HCN1: variants seen among roughly 807,000 people sequenced by gnomAD.
The protein encoded by HCN1 is potassium/sodium hyperpolarization-activated cyclic nucleotide-gated channel 1.
In HCN1, 13 loss-of-function variants were observed where a neutral mutation model predicts 78.9. That is an observed-to-expected ratio of 0.16 (90% confidence interval 0.11 to 0.26). The LOEUF is 0.26. HCN1 is among the 10% of genes least tolerant of loss of function. The pLI is 1.00. For synonymous variants in HCN1, 552 were observed against 455.5 expected, an observed-to-expected ratio of 1.21 and a Z score of -2.70; for missense variants, 810 against 1,154.3, an observed-to-expected ratio of 0.70 and a Z score of 4.32.
At chr5:45,493,373 T>C (rs895924176) in intron 2 of HCN1, among the ~76,000 whole-genome samples, 3 of 152,038 alleles carry the variant, frequency 2.0e-5, no homozygotes, top group Non-Finnish European at 2.9e-5. Flanking sequence ...GAGTTAAATA[T>C]AATTTTCTAA....
chr5:45,555,108 T>A (rs1579966202), intron 2 of HCN1, among the ~76,000 whole-genome samples: 1 of 151,950 alleles, frequency 6.6e-6, no homozygotes, highest in East Asian at 1.9e-4. Context: ...GTCAAATTAT[T>A]CTTATTTGTA....
At chr5:45,285,616 A>C (rs981782) in intron 6 of HCN1, among the ~76,000 whole-genome samples, 52,266 of 151,870 alleles carry the variant, frequency 0.34, 11,283 homozygotes, top group Non-Finnish European at 0.46. Context: ...GTCCCTGAGA[A>C]AAATTTCAAG....
chr5:45,498,491 C>A (rs1017653397), intron 2 of HCN1, among the ~76,000 whole-genome samples: 5 of 152,130 alleles, frequency 3.3e-5, no homozygotes, highest in South Asian at 2.1e-4. Context: ...ATTCTTCTAA[C>A]TTTTTTCAAA....
At chr5:45,330,830 T>A (rs1198725888) in intron 5 of HCN1, among the ~76,000 whole-genome samples, 1 of 151,156 alleles carries the variant, frequency 6.6e-6, no homozygotes, top group East Asian at 1.9e-4. Flanking sequence ...TTACCTCAAA[T>A]AATGTATATA....
At chr5:45,530,720 T>A (rs66990509) in intron 2 of HCN1, among the ~76,000 whole-genome samples, 37,376 of 151,938 alleles carry the variant, frequency 0.25, 4,710 homozygotes, top group East Asian at 0.32. Flanking sequence ...TTCCAAAAAG[T>A]GAATAAACTA....
intron 2 of HCN1, among the ~76,000 whole-genome samples, chr5:45,587,190 CA>C (rs1223527648): frequency 6.6e-6 from 1 of 152,168 alleles, no homozygotes; most frequent in Non-Finnish European, 1.5e-5. Flanking sequence ...CCAGCCATCC[CA>C]TTACTGGGTA....
chr5:45,425,461 C>T (rs1740325798), intron 3 of HCN1, among the ~76,000 whole-genome samples: 1 of 152,108 alleles, frequency 6.6e-6, no homozygotes, highest in East Asian at 1.9e-4. Context: ...TCAAATAATA[C>T]TTTCAAGTAG....
At chr5:45,370,653 CAT>C (rs1455627103) in intron 4 of HCN1, among the ~76,000 whole-genome samples, 3 of 151,892 alleles carry the variant, frequency 2.0e-5, no homozygotes, top group African/African-American at 7.2e-5. Flanking sequence ...TATAATTTAT[CAT>C]ATATGTGTGT....
intron 2 of HCN1, among the ~76,000 whole-genome samples, chr5:45,621,728 C>A (rs1745065880): frequency 6.6e-6 from 1 of 151,872 alleles, no homozygotes; most frequent in African/African-American, 2.4e-5. Context: ...AAATACAAAC[C>A]TTTCACCCAA....
At chr5:45,324,829 GA>G (rs1264173641) in intron 5 of HCN1, among the ~76,000 whole-genome samples, 5 of 151,332 alleles carry the variant, frequency 3.3e-5, no homozygotes, top group East Asian at 1.9e-4. Context: ...CGAAATTTGT[GA>G]AAAAAAATTT....
In HCN1 at chr5:45,378,873, T is replaced by G. The variant is rs1020825412; in HGVS notation, c.1230+17619A>C. Among the ~76,000 whole-genome samples the G allele has an allele frequency of 2.6e-5, 4 of 152,204 alleles. No homozygotes were observed. The East Asian group carries it at 7.7e-4, about 29-fold the overall frequency. On this transcript the variant is annotated intron_variant, in intron 4 of 7. Transcript: ENST00000303230. ...CACCTATCAGTGAGAACATGCGGTG[T>G]TTGTTTTTTTGTCCTTGCTATAGTT...
chr5:45,354,206 C>T (rs1285759624), intron 4 of HCN1, among the ~76,000 whole-genome samples: 6 of 151,840 alleles, frequency 4.0e-5, no homozygotes, highest in African/African-American at 7.3e-5. Context: ...ATCTTAAAAA[C>T]GTCTCCAGAT....
At chr5:45,280,010 T>G (rs1423421516) in intron 6 of HCN1, among the ~76,000 whole-genome samples, 1 of 152,148 alleles carries the variant, frequency 6.6e-6, no homozygotes, top group Non-Finnish European at 1.5e-5. Flanking sequence ...AAAAATAAGC[T>G]TTGAAACATG....
chr5:45,422,920 A>C (rs1451138558), intron 3 of HCN1, among the ~76,000 whole-genome samples: 1 of 152,136 alleles, frequency 6.6e-6, no homozygotes, highest in Admixed American at 6.6e-5. Context: ...AGGGTGGTTA[A>C]TGGGTGCAAT....
In HCN1 at chr5:45,342,207, T is replaced by A. The variant is rs142615568; in HGVS notation, c.1377+10893A>T. On this transcript the variant is annotated intron_variant, in intron 5 of 7. Coordinates refer to ENST00000303230, the MANE Select transcript of HCN1 (RefSeq NM_021072.4). ...TATCTTTTAATTCCATTTTCTATGA[T>A]CTTTTTGAAATCTTTTCATATATTT... is the stretch of plus-strand genomic sequence containing the variant. 2.0e-4 allele frequency among the ~76,000 whole-genome samples: 30 copies of A among 152,104 alleles called. No homozygotes were observed. The East Asian group carries it at 5.4e-3, about 28-fold the overall frequency.
Position 45,262,366 on chromosome 5 carries a change from G to A in HCN1, c.2228C>T (p.Pro743Leu). The A allele has an allele frequency of 6.2e-7, 1 of 1,612,332 alleles. No homozygotes were observed. ...CGGCTGCTGTGGCTGAGTCTGCGGC[G>A]GCTGGGACTGCTGTACCTGCTGCTG... Reference protein sequence around the residue: ...QPQQQVQQSQPPQTQPQQPSP... With the variant: ...QPQQQVQQSQLPQTQPQQPSP... Residue 743 changes from proline (P) to leucine (L), a missense_variant, in exon 8 of 8, where the codon CCG (proline) becomes CTG (leucine). Pro to Leu is a moderately conservative substitution (Grantham distance 98, BLOSUM62 -3). Around this residue, in one of 6 missense-constraint regions of HCN1, gnomAD observed 398 missense variants for 381.3 expected, o/e 1.04. Transcript: ENST00000303230.
chr5:45,303,539 C>T, intron 6 of HCN1, 60 bp downstream of exon 6: 1 of 1,586,486 alleles, frequency 6.3e-7, no homozygotes, highest in Admixed American at 1.7e-5. Context: ...CTCCAAAATT[C>T]TTAAAGATAC....
chr5:45,465,018 T>C (rs1320331761), intron 2 of HCN1, among the ~76,000 whole-genome samples: 1 of 152,182 alleles, frequency 6.6e-6, no homozygotes, highest in East Asian at 1.9e-4. Flanking sequence ...TTGATCAATA[T>C]TTTTAGTTTT....
intron 2 of HCN1, among the ~76,000 whole-genome samples, chr5:45,480,970 GTAGTTC>G (rs756542470): frequency 6.6e-6 from 1 of 152,138 alleles, no homozygotes; most frequent in Non-Finnish European, 1.5e-5. Flanking sequence ...CCCTAACCTA[GTAGTTC>G]CATTATTCGA....
Sources: gnomAD v4.1 joint callset for allele counts (sites outside exome capture counted in the v4.1 genomes callset) on GRCh38, gnomAD v4.1.1 for gene constraint, gnomAD v4.1.1 regional missense constraint, MANE v1.5 for transcripts, NCBI Gene and HGNC (gene_info 2026-07-23, HGNC 2026-07-21) for gene names.